Variants in DGKG observed in about 807,000 individuals in gnomAD.
The protein encoded by DGKG is diacylglycerol kinase gamma, also known as DAG kinase gamma.
Under a neutral mutation model 105.3 loss-of-function variants are expected in DGKG, and 78 were observed. The ratio of observed to expected loss-of-function variants is 0.74; its 90% CI spans 0.62 to 0.89. DGKG has a LOEUF of 0.89. DGKG is among the 40% of genes least tolerant of loss of function. The pLI is 0.00. For synonymous variants in DGKG, 346 were observed against 367.1 expected (o/e 0.94, Z 0.66); for missense variants, 958 against 1,020.1 (o/e 0.94, Z 0.83).
intron 20 of DGKG, among the ~76,000 whole-genome samples, chr3:186,230,042 G>C (rs974285211): frequency 2.0e-5 from 3 of 152,074 alleles, no homozygotes; most frequent in Admixed American, 6.5e-5. Context: ...GGCGGATCAC[G>C]AGGTCAGGAG....
At chr3:186,316,063 C>T (rs1437703798) in intron 2 of DGKG, among the ~76,000 whole-genome samples, 2 of 152,240 alleles carry the variant, frequency 1.3e-5, no homozygotes, top group East Asian at 1.9e-4. Context: ...GAAAGAGGTT[C>T]CATGAAGGAA....
At chr3:186,295,738 T>A (rs912132285) in intron 5 of DGKG, among the ~76,000 whole-genome samples, 1 of 150,400 alleles carries the variant, frequency 6.6e-6, no homozygotes, top group South Asian at 2.1e-4. Context: ...AGACCTTTCA[T>A]GGGAAGAGGA....
chr3:186,168,884 G>A (rs926627135), intron 22 of DGKG, among the ~76,000 whole-genome samples: 8 of 152,100 alleles, frequency 5.3e-5, no homozygotes, highest in African/African-American at 1.9e-4. Context: ...CAAGTGCTGG[G>A]GAACGGAATA....
intron 20 of DGKG, among the ~76,000 whole-genome samples, chr3:186,221,906 G>A (rs1431298820): frequency 6.6e-6 from 1 of 152,192 alleles, no homozygotes; most frequent in African/African-American, 2.4e-5. Context: ...GAGCTCTGCC[G>A]GCCCCCAGCT....
At chr3:186,197,256 G>A (rs529609220) in intron 21 of DGKG, among the ~76,000 whole-genome samples, 13 of 152,158 alleles carry the variant, frequency 8.5e-5, no homozygotes, top group African/African-American at 2.9e-4. Context: ...AGGAAGAGGC[G>A]GACAATATCC....
intron 16 of DGKG, among the ~76,000 whole-genome samples, chr3:186,259,875 A>C (rs1721676459): frequency 6.6e-6 from 1 of 152,326 alleles, no homozygotes; most frequent in Admixed American, 6.5e-5. Flanking sequence ...CATGCTAACG[A>C]GAAGAGAATA....
At chr3:186,297,230 G>T (rs1408710143) in intron 5 of DGKG, among the ~76,000 whole-genome samples, 191 bp downstream of exon 5, 1 of 152,142 alleles carries the variant, frequency 6.6e-6, no homozygotes, top group Non-Finnish European at 1.5e-5. Context: ...CCTTTACCCA[G>T]CCTCAGAATC....
chr3:186,309,363 G>C (rs1307510824), intron 2 of DGKG, among the ~76,000 whole-genome samples: 1 of 152,194 alleles, frequency 6.6e-6, no homozygotes, highest in Non-Finnish European at 1.5e-5. Flanking sequence ...CTAGATTTGT[G>C]GGGGTCTTGA....
At chr3:186,225,194 T>A (rs1578689809) in intron 20 of DGKG, among the ~76,000 whole-genome samples, 2 of 152,078 alleles carry the variant, frequency 1.3e-5, no homozygotes, top group East Asian at 3.9e-4. Context: ...TCCAAAATCC[T>A]GGGCTGAAAC....
chr3:186,357,475 A>G (rs866325848), intron 1 of DGKG, among the ~76,000 whole-genome samples: 24 of 152,216 alleles, frequency 1.6e-4, no homozygotes, highest in African/African-American at 5.5e-4. Flanking sequence ...CTGAGTTTCA[A>G]TCTCAGTCTC....
chr3:186,178,325 T>C (rs1189318691), intron 22 of DGKG, among the ~76,000 whole-genome samples: 1 of 152,178 alleles, frequency 6.6e-6, no homozygotes, highest in African/African-American at 2.4e-5. Flanking sequence ...TGCTGTGGGA[T>C]GGAGCTTAGG....
At chr3:186,307,950 C>T (rs573282239) in intron 2 of DGKG, among the ~76,000 whole-genome samples, 3 of 151,034 alleles carry the variant, frequency 2.0e-5, no homozygotes, top group South Asian at 4.2e-4. Flanking sequence ...CATTCTGACA[C>T]ATAAAACATA....
rs3221277 is a variant in DGKG at position 186,314,173 on chromosome 3, G to GCACACACACA, written c.67+6210_67+6219dup. Among the ~76,000 whole-genome samples, 8 of 139,574 alleles carry GCACACACACA rather than the reference G, an allele frequency of 5.7e-5. No homozygotes were observed. The East Asian group carries it at 1.8e-3, about 31-fold the overall frequency. 91.6% of individuals were successfully genotyped at this position (139,574 alleles called of 152,430 possible). On this transcript the variant is annotated intron_variant, in intron 2 of 24. Transcript: ENST00000265022. ...TAATTTAATTGACATATACATATCT[G>GCACACACACA]CACACACACACACACACACACACAC...
chr3:186,228,877 C>T (rs1271678987), intron 20 of DGKG, among the ~76,000 whole-genome samples: 2 of 152,166 alleles, frequency 1.3e-5, no homozygotes, highest in Non-Finnish European at 2.9e-5. Context: ...ATGCTGTGGG[C>T]TGAATTGTGT....
intron 21 of DGKG, among the ~76,000 whole-genome samples, chr3:186,196,225 C>T (rs1170051309): frequency 2.0e-5 from 3 of 151,612 alleles, no homozygotes; most frequent in Non-Finnish European, 4.4e-5. Flanking sequence ...GCAACCTCCA[C>T]CTCCCAGGTT....
rs373272810 is a variant in DGKG at position 186,210,621 on chromosome 3, T to C, written c.1917+1174A>G. 43 of 454,252 alleles carry C rather than the reference T, an allele frequency of 9.5e-5. 2 individuals are homozygous for C. Among genetic ancestry groups the C allele is most frequent in the African/African-American group, 8.0e-4 (40 of 50,094 alleles). The allele number at this position is 454,252 out of a possible 1,614,324, so 28.1% of individuals were successfully genotyped here. On this transcript the variant is annotated intron_variant, in intron 21 of 24. Coordinates refer to ENST00000265022, the MANE Select transcript of DGKG (RefSeq NM_001346.3). The surrounding 1 kb of genome is among the most constrained non-coding windows in gnomAD (Gnocchi z 5.2). ...GTGTTTTGTTTGTGAAAACTCCCTG[T>C]GAGTGAGGAGCACAGGGGCCCTTCC... is the stretch of plus-strand genomic sequence containing the variant.
intron 20 of DGKG, among the ~76,000 whole-genome samples, chr3:186,215,512 G>GT (rs1235515765): frequency 1.3e-5 from 2 of 152,076 alleles, no homozygotes; most frequent in African/African-American, 4.8e-5. Context: ...TCAGACTTAG[G>GT]TTTTTTAAAG....
Position 186,149,740 on chromosome 3 carries a change from G to T in DGKG, c.*350C>A, listed in dbSNP as rs1412570513. On this transcript the variant is annotated 3_prime_UTR_variant, in exon 25 of 25. Coordinates refer to ENST00000265022, the MANE Select transcript of DGKG (RefSeq NM_001346.3). ...CTCGCGAGCGTCCATGAGGAAACTT[G>T]CAGGGCTGGTAGAAAGAAAGGGGGA... The T allele has an allele frequency of 2.9e-6, 3 of 1,036,682 alleles. No homozygotes were observed. Among genetic ancestry groups the T allele is most frequent in the Non-Finnish European group, 3.5e-6 (3 of 861,508 alleles). 64.2% of individuals were successfully genotyped at this position (1,036,682 alleles called of 1,614,324 possible). A position where few individuals can be genotyped will look rare whatever the true frequency, so the allele number is the denominator to read the frequency against.
intron 1 of DGKG, among the ~76,000 whole-genome samples, chr3:186,335,134 C>T (rs1053326556): frequency 3.3e-5 from 5 of 152,102 alleles, no homozygotes; most frequent in East Asian, 3.9e-4. Flanking sequence ...TGCAGTGGCG[C>T]GATCTCAGCT....
Sources: gnomAD v4.1 joint callset for allele counts (sites outside exome capture counted in the v4.1 genomes callset) on GRCh38, gnomAD v4.1.1 for gene constraint, Gnocchi (gnomAD v3.1) non-coding constraint, MANE v1.5 for transcripts, NCBI Gene and HGNC (gene_info 2026-07-23, HGNC 2026-07-21) for gene names.